The following SFMBT2 variants were observed in gnomAD, a reference collection of about 807,000 sequenced individuals.
SFMBT2 encodes Scm like with four mbt domains 2.
SFMBT2 carries 38 observed loss-of-function variants against 110.1 expected under a neutral mutation model. The ratio of observed to expected loss-of-function variants is 0.35; its 90% CI spans 0.27 to 0.45. The LOEUF (loss-of-function observed/expected upper bound fraction) is 0.45, where lower values mean the gene tolerates loss of function less well. Among genes scored for constraint, SFMBT2 ranks in the 20% least tolerant of loss-of-function variants. The pLI, the probability that SFMBT2 is intolerant of heterozygous loss-of-function variation, is 1.00. For synonymous variants in SFMBT2, 425 were observed against 425.4 expected (o/e 1.00, Z 0.01); for missense variants, 1,011 against 1,094.9 (o/e 0.92, Z 1.08).
intron 4 of SFMBT2, among the ~76,000 whole-genome samples, chr10:7,333,236 A>T (rs1174281728): frequency 6.6e-6 from 1 of 152,242 alleles, no homozygotes; most frequent in African/African-American, 2.4e-5. Context: ...AAGGAAAAAT[A>T]GAAGACTAGC....
intron 4 of SFMBT2, among the ~76,000 whole-genome samples, chr10:7,314,650 A>G (rs1315504425): frequency 6.6e-6 from 1 of 152,134 alleles, no homozygotes; most frequent in African/African-American, 2.4e-5. Context: ...GCTCACACCT[A>G]TAATCCCAGC....
At chr10:7,385,253 G>A (rs1471085118) in intron 1 of SFMBT2, among the ~76,000 whole-genome samples, 1 of 152,116 alleles carries the variant, frequency 6.6e-6, no homozygotes, top group African/African-American at 2.4e-5. Flanking sequence ...GTAAGGAAGC[G>A]CGGTTATGAG....
intron 4 of SFMBT2, among the ~76,000 whole-genome samples, chr10:7,317,347 G>C (rs527698081): frequency 6.6e-6 from 1 of 152,030 alleles, no homozygotes; most frequent in Non-Finnish European, 1.5e-5. Context: ...TCAATTCCAA[G>C]CGAAGACATA....
intron 4 of SFMBT2, among the ~76,000 whole-genome samples, chr10:7,347,117 C>G (rs1844141794): frequency 6.6e-6 from 1 of 152,178 alleles, no homozygotes; most frequent in Admixed American, 6.5e-5. Context: ...GCAGCCTCCC[C>G]ATCCCAGGGA....
chr10:7,219,153 T>C (rs1313581746), intron 11 of SFMBT2, among the ~76,000 whole-genome samples: 2 of 152,230 alleles, frequency 1.3e-5, no homozygotes, highest in Admixed American at 6.5e-5. Flanking sequence ...AGAAGGAATC[T>C]TGCTTCTCCA....
At chr10:7,323,165 T>C (rs1055712683) in intron 4 of SFMBT2, among the ~76,000 whole-genome samples, 5 of 152,066 alleles carry the variant, frequency 3.3e-5, no homozygotes, top group African/African-American at 7.2e-5. Flanking sequence ...ATATAAAACA[T>C]AAATGGAGCT....
In SFMBT2 at chr10:7,171,196, G is replaced by T; in HGVS notation, c.2416-140C>A. 1 of 1,441,454 alleles carries T rather than the reference G, an allele frequency of 6.9e-7. No individual in the cohort carries two copies. The highest frequency in any genetic ancestry group is 9.4e-7 in the Non-Finnish European group (1 of 1,058,882). 89.3% of individuals were successfully genotyped at this position (1,441,454 alleles called of 1,614,324 possible). A position where few individuals can be genotyped will look rare whatever the true frequency, so the allele number is the denominator to read the frequency against. On this transcript the variant is annotated intron_variant, in intron 19 of 20. Coordinates refer to ENST00000397167, the MANE Select transcript of SFMBT2 (RefSeq NM_001387889.1). The surrounding 1 kb of genome is among the most constrained non-coding windows in gnomAD (Gnocchi z 4.9). ...CCCTCACTGGGCACCTGAAAAAGCT[G>T]CACACACTCTCAGTCCCTGAGAAAG...
chr10:7,214,875 G>A (rs1210548316), intron 11 of SFMBT2, among the ~76,000 whole-genome samples: 1 of 152,194 alleles, frequency 6.6e-6, no homozygotes, highest in African/African-American at 2.4e-5. Context: ...TTCAAAACTG[G>A]GTTTTGTTAT....
intron 1 of SFMBT2, among the ~76,000 whole-genome samples, chr10:7,389,852 T>C (rs1845720193): frequency 1.3e-5 from 2 of 152,244 alleles, no homozygotes; most frequent in African/African-American, 4.8e-5. Flanking sequence ...TCCCTTTATG[T>C]TTGAAGCAAA....
chr10:7,264,127 A>G, intron 7 of SFMBT2: 1 of 244,214 alleles, frequency 4.1e-6, no homozygotes, highest in Non-Finnish European at 6.6e-6. Flanking sequence ...TGTGTGGGGA[A>G]AAATGGCCTC....
At chr10:7,323,811 A>G (rs981165202) in intron 4 of SFMBT2, among the ~76,000 whole-genome samples, 8 of 152,224 alleles carry the variant, frequency 5.3e-5, no homozygotes, top group African/African-American at 1.2e-4. Context: ...TTGCTTAAAA[A>G]GGTTTCTTTT....
intron 11 of SFMBT2, chr10:7,206,792 T>TCGA (rs2131614588): frequency 1.1e-6 from 1 of 897,942 alleles, no homozygotes; most frequent in African/African-American, 1.8e-5. Flanking sequence ...AGAAGAAAAT[T>TCGA]CGACACCAAA....
intron 4 of SFMBT2, among the ~76,000 whole-genome samples, chr10:7,360,939 T>C (rs987906474): frequency 5.3e-5 from 8 of 152,348 alleles, no homozygotes; most frequent in African/African-American, 1.7e-4. Context: ...AATACAATAC[T>C]AACTCACTTT....
chr10:7,190,126 C>T (rs894379571), intron 15 of SFMBT2, among the ~76,000 whole-genome samples: 30 of 152,138 alleles, frequency 2.0e-4, no homozygotes, highest in African/African-American at 7.2e-4. Flanking sequence ...GCCTCAAAGC[C>T]ACCCACCAAG....
At chr10:7,292,665 C>T in intron 4 of SFMBT2, among the ~76,000 whole-genome samples, 1 of 152,162 alleles carries the variant, frequency 6.6e-6, no homozygotes, top group East Asian at 1.9e-4. Flanking sequence ...AAGACTCTTT[C>T]AGTTGTAAAA....
At chr10:7,169,023 C>T (rs921946616) in intron 20 of SFMBT2, among the ~76,000 whole-genome samples, 3 of 152,118 alleles carry the variant, frequency 2.0e-5, no homozygotes, top group African/African-American at 7.2e-5. Flanking sequence ...AGTGCAGTGA[C>T]ACGATCTCGG....
At chr10:7,262,303 T>A (rs1234519746) in intron 7 of SFMBT2, among the ~76,000 whole-genome samples, 1 of 152,108 alleles carries the variant, frequency 6.6e-6, no homozygotes, top group East Asian at 1.9e-4. Flanking sequence ...CACAATAAGA[T>A]CTTCTGTAGA....
At chr10:7,295,814 G>T (rs1158633141) in intron 4 of SFMBT2, among the ~76,000 whole-genome samples, 1 of 152,168 alleles carries the variant, frequency 6.6e-6, no homozygotes, top group Non-Finnish European at 1.5e-5. Context: ...TCTGCTGTAT[G>T]ATTAGCCCCT....
intron 7 of SFMBT2, among the ~76,000 whole-genome samples, chr10:7,265,358 C>T (rs767828265): frequency 1.3e-5 from 2 of 152,066 alleles, no homozygotes; most frequent in African/African-American, 2.4e-5. Context: ...CATGCCACCA[C>T]GCCCGACTAA....
Sources: allele counts gnomAD v4.1 joint callset (sites outside exome capture counted in the v4.1 genomes callset), GRCh38; gene constraint gnomAD v4.1.1; non-coding constraint Gnocchi (gnomAD v3.1); transcripts MANE v1.5; gene names NCBI Gene and HGNC (gene_info 2026-07-23, HGNC 2026-07-21).